HEMK2: variants seen among roughly 807,000 people sequenced by gnomAD.
The protein encoded by HEMK2 is HemK methyltransferase 2, ETF1 glutamine and histone H4 lysine.
chr21:28,721,876 T>A, the HEMK2 span, among the ~76,000 whole-genome samples: 3 of 147,642 alleles, frequency 2.0e-5, no homozygotes, highest in East Asian at 6.0e-4. Flanking sequence ...TTGACCTAAT[T>A]AATATAGCTC....
chr21:28,871,288 C>G, the HEMK2 span, among the ~76,000 whole-genome samples: 1 of 152,084 alleles, frequency 6.6e-6, no homozygotes, highest in Non-Finnish European at 1.5e-5. Context: ...CTGGGGAGGC[C>G]TCAGGAAGCT....
chr21:28,623,210 T>C, the HEMK2 span, among the ~76,000 whole-genome samples: 1 of 152,170 alleles, frequency 6.6e-6, no homozygotes, highest in African/African-American at 2.4e-5. Flanking sequence ...AAGAAATTTA[T>C]GTTGCCAAAA....
At chr21:28,585,782 G>A in the HEMK2 span, among the ~76,000 whole-genome samples, 1 of 152,020 alleles carries the variant, frequency 6.6e-6, no homozygotes, top group Non-Finnish European at 1.5e-5. Context: ...AATAGGGAAG[G>A]GGAAACATTA....
the HEMK2 span, among the ~76,000 whole-genome samples, chr21:28,649,136 G>A: frequency 3.3e-5 from 5 of 152,056 alleles, no homozygotes; most frequent in Non-Finnish European, 7.4e-5. Flanking sequence ...TCTACGCCAC[G>A]GTACAGCAGA....
the HEMK2 span, chr21:28,885,165 C>T: frequency 2.0e-6 from 3 of 1,495,080 alleles, no homozygotes; most frequent in South Asian, 3.8e-5. Flanking sequence ...CGCACTTCTT[C>T]AGAAAGCCGC....
chr21:28,783,395 G>A, the HEMK2 span, among the ~76,000 whole-genome samples: 5 of 152,142 alleles, frequency 3.3e-5, no homozygotes, highest in African/African-American at 1.2e-4. Context: ...ATGTTGGTCA[G>A]GCTGGTCTCG....
chr21:28,622,421 T>C, the HEMK2 span, among the ~76,000 whole-genome samples: 46,699 of 152,084 alleles, frequency 0.31, 7,331 homozygotes, highest in African/African-American at 0.35. Flanking sequence ...AATTTATACA[T>C]TCAATGCTAT....
chr21:28,839,303 A>G, the HEMK2 span, among the ~76,000 whole-genome samples: 3 of 152,100 alleles, frequency 2.0e-5, no homozygotes, highest in Non-Finnish European at 4.4e-5. Flanking sequence ...CCCTCTGAGA[A>G]CAGGAACAAG....
At chr21:28,862,719 T>G in the HEMK2 span, among the ~76,000 whole-genome samples, 10 of 152,296 alleles carry the variant, frequency 6.6e-5, no homozygotes, top group African/African-American at 2.2e-4. Context: ...AGGACTGTAA[T>G]TGTCATGAGT....
At chr21:28,739,717 A>G in the HEMK2 span, among the ~76,000 whole-genome samples, 1 of 152,204 alleles carries the variant, frequency 6.6e-6, no homozygotes, top group African/African-American at 2.4e-5. Flanking sequence ...TAAATTAACT[A>G]AAATTCAATA....
the HEMK2 span, among the ~76,000 whole-genome samples, chr21:28,797,079 T>C: frequency 2.0e-5 from 3 of 152,196 alleles, no homozygotes; most frequent in African/African-American, 4.8e-5. Flanking sequence ...TTTCTCCCAA[T>C]AGAGATAAGG....
At chr21:28,844,860 A>G in the HEMK2 span, among the ~76,000 whole-genome samples, 5 of 152,092 alleles carry the variant, frequency 3.3e-5, no homozygotes, top group African/African-American at 1.2e-4. Flanking sequence ...TTCTTTGCCC[A>G]TTTTTTAATT....
chr21:28,785,725 G>A, the HEMK2 span, among the ~76,000 whole-genome samples: 7 of 152,048 alleles, frequency 4.6e-5, no homozygotes, highest in East Asian at 5.8e-4. Context: ...AGCCCCAGCC[G>A]ACACTCAGTC....
chr21:28,720,994 G>A, the HEMK2 span, among the ~76,000 whole-genome samples: 1 of 152,322 alleles, frequency 6.6e-6, no homozygotes, highest in South Asian at 2.1e-4. Flanking sequence ...ATGTTTGACA[G>A]TATGGATTGC....
At chr21:28,683,705 G>T in the HEMK2 span, among the ~76,000 whole-genome samples, 58 of 152,142 alleles carry the variant, frequency 3.8e-4, no homozygotes, top group African/African-American at 1.3e-3. Context: ...CAGTGTTAGC[G>T]ATTATGAAAA....
the HEMK2 span, among the ~76,000 whole-genome samples, chr21:28,839,449 T>C: frequency 6.6e-6 from 1 of 152,032 alleles, no homozygotes; most frequent in Non-Finnish European, 1.5e-5. Flanking sequence ...TTGCTAACAA[T>C]ATGATTGATT....
chr21:28,775,268 G>C, the HEMK2 span, among the ~76,000 whole-genome samples: 1 of 152,116 alleles, frequency 6.6e-6, no homozygotes. Flanking sequence ...GAAATTGAGA[G>C]CTCTAGAAAT....
the HEMK2 span, among the ~76,000 whole-genome samples, chr21:28,862,984 G>A: frequency 2.6e-5 from 4 of 152,120 alleles, no homozygotes; most frequent in Admixed American, 2.6e-4. Flanking sequence ...TGTGATCTCA[G>A]CAGATGTGTA....
At chr21:28,582,154 A>C in the HEMK2 span, among the ~76,000 whole-genome samples, 1 of 152,206 alleles carries the variant, frequency 6.6e-6, no homozygotes, top group Non-Finnish European at 1.5e-5. Context: ...GGAATAGCAA[A>C]GGACTGAGCT....
Sources: gnomAD v4.1 joint callset for allele counts (sites outside exome capture counted in the v4.1 genomes callset) on GRCh38, gnomAD v4.1.1 for gene constraint, MANE v1.5 for transcripts, NCBI Gene and HGNC (gene_info 2026-07-23, HGNC 2026-07-21) for gene names.